The following GGACT variants were observed in gnomAD, a reference collection of about 807,000 sequenced individuals.
GGACT encodes gamma-glutamylamine cyclotransferase, also known as gamma-glutamylaminecyclotransferase.
For synonymous variants in GGACT, 118 were observed against 115.3 expected (o/e 1.02, Z -0.15); for missense variants, 241 against 233.2 (o/e 1.03, Z -0.22).
At chr13:100,539,951 G>A (rs555728937) in intron 2 of GGACT, 15 of 1,557,080 alleles carry the variant, frequency 9.6e-6, no homozygotes, top group East Asian at 2.2e-5. Context: ...GGTCTAAATC[G>A]AGGTGGGGGT....
In GGACT at chr13:100,546,853, T is replaced by A. The variant is rs549375798; in HGVS notation, c.-10-14252A>T. 2.0e-5 allele frequency among the ~76,000 whole-genome samples: 3 copies of A among 152,342 alleles called. No homozygotes were observed. In the East Asian group the frequency reaches 5.8e-4, roughly 29 times the overall value. On this transcript the variant is annotated intron_variant, in intron 2 of 2. Transcript: ENST00000683975. Reference sequence around the variant, plus strand: ...TCGAGCAAGGGAGTCGCATGGCCCATCCTCATGCCTCTAAACCACAGCTCC... The same window carrying A: ...TCGAGCAAGGGAGTCGCATGGCCCAACCTCATGCCTCTAAACCACAGCTCC...
chr13:100,564,249 T>A (rs1357740676), intron 2 of GGACT, among the ~76,000 whole-genome samples: 1 of 151,934 alleles, frequency 6.6e-6, no homozygotes, highest in East Asian at 1.9e-4. Context: ...GAAGGGTCTA[T>A]CTGTTTTACA....
chr13:100,563,273 A>C (rs2088781797), intron 2 of GGACT, among the ~76,000 whole-genome samples: 1 of 152,172 alleles, frequency 6.6e-6, no homozygotes, highest in Admixed American at 6.5e-5. Flanking sequence ...CAGCACGGGT[A>C]AAGCCACAGT....
At chr13:100,581,345 T>C (rs1341345126) in intron 2 of GGACT, among the ~76,000 whole-genome samples, 1 of 151,966 alleles carries the variant, frequency 6.6e-6, no homozygotes, top group Non-Finnish European at 1.5e-5. Flanking sequence ...CTAGCAATAT[T>C]GGAAAGCAAG....
Position 100,530,271 on chromosome 13 carries a change from ACGTTT to A in GGACT, c.*1854_*1858del. 1 of 916,002 alleles carries A rather than the reference ACGTTT, an allele frequency of 1.1e-6. No individual in the cohort carries two copies. The highest frequency in any genetic ancestry group is 1.6e-5 in the African/African-American group (1 of 61,770). The allele number at this position is 916,002 out of a possible 1,614,324, so 56.7% of individuals were successfully genotyped here. A position where few individuals can be genotyped will look rare whatever the true frequency, so the allele number is the denominator to read the frequency against. On this transcript the variant is annotated 3_prime_UTR_variant, in exon 3 of 3. Coordinates refer to ENST00000683975, the MANE Select transcript of GGACT (RefSeq NM_001195087.2). ...TATACAGGAACACCCCTGTGCAGCT[ACGTTT>A]ACGTCGTCATTTATTCCACAGAGTC...
intron 2 of GGACT, among the ~76,000 whole-genome samples, chr13:100,541,324 C>T (rs985239207): frequency 9.2e-5 from 14 of 152,178 alleles, no homozygotes; most frequent in African/African-American, 2.9e-4. Flanking sequence ...ACAGGCCTGA[C>T]TTGAGTTCCT....
intron 2 of GGACT, among the ~76,000 whole-genome samples, chr13:100,533,105 GC>G (rs1411835191): frequency 6.6e-6 from 1 of 152,232 alleles, no homozygotes; most frequent in East Asian, 1.9e-4. Flanking sequence ...GTCCTGACCT[GC>G]TGACTGCGCA....
intron 2 of GGACT, among the ~76,000 whole-genome samples, chr13:100,549,842 A>G (rs543598176): frequency 1.3e-5 from 2 of 152,372 alleles, no homozygotes; most frequent in South Asian, 4.1e-4. Context: ...ACACATGAGC[A>G]CATACACACA....
chr13:100,558,814 C>G (rs2088732078), intron 2 of GGACT, among the ~76,000 whole-genome samples: 1 of 152,088 alleles, frequency 6.6e-6, no homozygotes, highest in Non-Finnish European at 1.5e-5. Context: ...TGGTGGTTAT[C>G]AGAGGCTGAG....
chr13:100,571,011 G>A (rs1381117201), intron 2 of GGACT, among the ~76,000 whole-genome samples: 1 of 152,036 alleles, frequency 6.6e-6, no homozygotes, highest in East Asian at 1.9e-4. Flanking sequence ...TATAGCCCTT[G>A]AGCTGTGTGA....
At chr13:100,552,347 GT>G (rs906758989) in intron 2 of GGACT, among the ~76,000 whole-genome samples, 2 of 152,196 alleles carry the variant, frequency 1.3e-5, no homozygotes, top group African/African-American at 4.8e-5. Flanking sequence ...CAGCAAAGCT[GT>G]TATGGGCTGG....
intron 2 of GGACT, among the ~76,000 whole-genome samples, chr13:100,579,694 CT>C (rs1180510383): frequency 6.6e-6 from 1 of 152,162 alleles, no homozygotes; most frequent in Non-Finnish European, 1.5e-5. Flanking sequence ...AGCTCACACC[CT>C]TTTTTCCAAA....
intron 2 of GGACT, among the ~76,000 whole-genome samples, chr13:100,544,734 G>A (rs1206143509): frequency 2.6e-5 from 4 of 152,164 alleles, no homozygotes; most frequent in Non-Finnish European, 5.9e-5. Flanking sequence ...TATAAATAAC[G>A]ATTTTTTTCA....
At chr13:100,576,296 G>A (rs1434857510) in intron 2 of GGACT, among the ~76,000 whole-genome samples, 2 of 152,200 alleles carry the variant, frequency 1.3e-5, no homozygotes, top group East Asian at 1.9e-4. Context: ...TTGATAACAT[G>A]AGATGCTGAG....
chr13:100,550,990 T>TA (rs2088657603), intron 2 of GGACT, among the ~76,000 whole-genome samples: 1 of 152,052 alleles, frequency 6.6e-6, no homozygotes, highest in African/African-American at 2.4e-5. Flanking sequence ...CTTTCTTAAT[T>TA]AAAAAACAAC....
intron 1 of GGACT, among the ~76,000 whole-genome samples, chr13:100,588,228 A>C (rs1875640511): frequency 6.6e-6 from 1 of 152,236 alleles, no homozygotes; most frequent in African/African-American, 2.4e-5. Context: ...AAATTTCAGA[A>C]GTTTCACTAA....
chr13:100,586,949 T>C (rs1159068137), intron 1 of GGACT: 1 of 152,018 alleles, frequency 6.6e-6, no homozygotes, highest in South Asian at 2.1e-4. Flanking sequence ...AATGAATTCC[T>C]GTTCAGCAGG....
intron 2 of GGACT, among the ~76,000 whole-genome samples, chr13:100,571,460 G>A (rs1875079876): frequency 6.6e-6 from 1 of 152,174 alleles, no homozygotes; most frequent in Non-Finnish European, 1.5e-5. Flanking sequence ...TGTAGACAGA[G>A]AACATACTTT....
intron 2 of GGACT, chr13:100,579,085 C>T (rs1456917877): frequency 1.3e-5 from 2 of 152,176 alleles, no homozygotes; most frequent in African/African-American, 4.8e-5. Context: ...TCTCGACTAG[C>T]TGGAAATGAG....
Sources: gnomAD v4.1 joint callset for allele counts (sites outside exome capture counted in the v4.1 genomes callset) on GRCh38, gnomAD v4.1.1 for gene constraint, MANE v1.5 for transcripts, NCBI Gene and HGNC (gene_info 2026-07-23, HGNC 2026-07-21) for gene names.